Variants in LRRC40 observed in about 807,000 individuals in gnomAD.
LRRC40 encodes leucine rich repeat containing 40.
Under a neutral mutation model 72.8 loss-of-function variants are expected in LRRC40, and 76 were observed. That is an observed-to-expected ratio of 1.04 (90% CI 0.87 to 1.26). LRRC40 has a LOEUF of 1.26. Among genes scored for constraint, LRRC40 ranks in the 50% most tolerant of loss-of-function variants. LRRC40 has a pLI of 0.00. For synonymous variants in LRRC40, 243 were observed against 254.2 expected, an observed-to-expected ratio of 0.96 and a Z score of 0.42; for missense variants, 684 against 698.9, an observed-to-expected ratio of 0.98 and a Z score of 0.24.
chr1:70,169,573 A>T (rs912919159), intron 9 of LRRC40, among the ~76,000 whole-genome samples: 2 of 152,202 alleles, frequency 1.3e-5, no homozygotes, highest in African/African-American at 4.8e-5. Flanking sequence ...AAAAAAAGAG[A>T]GAAGACTCAC....
chr1:70,194,178 G>A (rs1668560023), intron 1 of LRRC40, among the ~76,000 whole-genome samples: 1 of 152,004 alleles, frequency 6.6e-6, no homozygotes, highest in African/African-American at 2.4e-5. Flanking sequence ...CAGACACTAT[G>A]ATCATCTATG....
At chr1:70,186,557 TGTAACC>T (rs1225996868) in intron 3 of LRRC40, among the ~76,000 whole-genome samples, 17 of 152,240 alleles carry the variant, frequency 1.1e-4, no homozygotes, top group African/African-American at 3.9e-4. Context: ...TACATAGATC[TGTAACC>T]GTATCTATTT....
chr1:70,201,699 G>A (rs1247276441), intron 1 of LRRC40, among the ~76,000 whole-genome samples: 2 of 152,124 alleles, frequency 1.3e-5, no homozygotes, highest in Non-Finnish European at 2.9e-5. Context: ...CAGGCCGGGC[G>A]TGGGGGCTCA....
Position 70,184,801 on chromosome 1 carries a change from G to T in LRRC40, c.521C>A (p.Ser174Tyr). ...TCISEGFEQL[S>Y]NLEDLDLSNN... The stretch of plus-strand genomic sequence containing the variant: ...AGAACTTACTAAATCTTCTAAATTG[G>T]AAAGTTGTTCAAATCCCTCTGATAT... Residue 174 changes from serine to tyrosine, a missense_variant, in exon 4 of 15, where the codon TCC becomes TAC. Transcript: ENST00000370952. The T allele has an allele frequency of 6.2e-7, 1 of 1,603,560 alleles. No homozygotes were observed. Among genetic ancestry groups the T allele is most frequent in the South Asian group, 1.1e-5 (1 of 88,294 alleles).
At chr1:70,148,137 CA>C (rs35638808) in intron 14 of LRRC40, 37,973 of 94,304 alleles carry the variant, frequency 0.4, 4,361 homozygotes, top group South Asian at 0.5. Context: ...CAATCAATTT[CA>C]AAAAAAAAAA....
chr1:70,152,597 CA>C, intron 11 of LRRC40, 54 bp from the exon 12 acceptor site: 1 of 899,788 alleles, frequency 1.1e-6, no homozygotes, highest in Non-Finnish European at 1.9e-6. Flanking sequence ...GCCAGAACTT[CA>C]AAACTGTAAG....
At chr1:70,188,278 C>CT (rs1192828488) in intron 2 of LRRC40, among the ~76,000 whole-genome samples, 1 of 152,110 alleles carries the variant, frequency 6.6e-6, no homozygotes, top group Non-Finnish European at 1.5e-5. Flanking sequence ...AAATATACTC[C>CT]TTGTGCTTCA....
chr1:70,174,884 T>G (rs1668070179), intron 7 of LRRC40, among the ~76,000 whole-genome samples: 1 of 152,180 alleles, frequency 6.6e-6, no homozygotes, highest in African/African-American at 2.4e-5. Context: ...CCAAAAATCA[T>G]CAAGTTGTAT....
In LRRC40 at chr1:70,175,989, A is replaced by G. The variant is rs770074378; in HGVS notation, c.805-7T>C. Reference sequence around the variant, plus strand: ...TTTCACCTACGTGCAATTCCTACAAAATCAAAGATGAGTTATGTGTATCTC... The same window carrying G: ...TTTCACCTACGTGCAATTCCTACAAGATCAAAGATGAGTTATGTGTATCTC... On this transcript the variant is annotated splice_region_variant and splice_polypyrimidine_tract_variant and intron_variant, in intron 6 of 14. Coordinates refer to ENST00000370952, the MANE Select transcript of LRRC40 (RefSeq NM_017768.5). 3 of 1,535,570 alleles carry G rather than the reference A, an allele frequency of 2.0e-6. No individual in the cohort carries two copies. Among genetic ancestry groups the G allele is most frequent in the Non-Finnish European group, 1.7e-6 (2 of 1,145,636 alleles).
chr1:70,199,404 A>G (rs1668688076), intron 1 of LRRC40, among the ~76,000 whole-genome samples: 1 of 152,156 alleles, frequency 6.6e-6, no homozygotes, highest in Admixed American at 6.5e-5. Flanking sequence ...TCAAAAAAGA[A>G]CTAGAGCCTA....
Position 70,205,520 on chromosome 1 carries a change from T to A in LRRC40, c.21A>T (p.Ile7=). Residue 7 remains isoleucine, a synonymous_variant, in exon 1 of 15, where the codon ATA becomes ATT. Coordinates refer to ENST00000370952, the MANE Select transcript of LRRC40 (RefSeq NM_017768.5). MSRLKR[I]AGQDLRAGFK... ...AACCAGCGCGGAGATCCTGCCCCGCTATCCGCTTCAGGCGCGACATGTTCA... is the reference window on the plus strand; with the variant it reads ...AACCAGCGCGGAGATCCTGCCCCGCAATCCGCTTCAGGCGCGACATGTTCA... The A allele has an allele frequency of 6.3e-7, 1 of 1,598,568 alleles. No homozygotes were observed. Among genetic ancestry groups the A allele is most frequent in the South Asian group, 1.1e-5 (1 of 89,934 alleles).
At chr1:70,153,099 A>C (rs1667546430) in intron 11 of LRRC40, among the ~76,000 whole-genome samples, 1 of 152,156 alleles carries the variant, frequency 6.6e-6, no homozygotes, top group Admixed American at 6.6e-5. Context: ...GGTGGCTCAC[A>C]CCTATAATCT....
At position 70,159,443 on chromosome 1, in the gene LRRC40, CA is replaced by C; in HGVS notation, c.1112-6del. On this transcript the variant is annotated splice_region_variant and splice_polypyrimidine_tract_variant and intron_variant, in intron 9 of 14. Transcript: ENST00000370952. ...CACTTTGGCTAGGTCCATCATCTGG[CA>C]AAAGAAAACTTATATGAAGCCAATA... 1 of 1,398,054 alleles carries C rather than the reference CA, an allele frequency of 7.2e-7. No homozygotes were observed. The highest frequency in any genetic ancestry group is 1.0e-6 in the Non-Finnish European group (1 of 996,554). The allele number at this position is 1,398,054 out of a possible 1,614,324, so 86.6% of individuals were successfully genotyped here.
chr1:70,188,208 T>C lies in LRRC40; in HGVS notation c.334-870A>G, dbSNP rs114520080. Among the ~76,000 whole-genome samples the C allele has an allele frequency of 8.6e-3, 1,314 of 152,180 alleles. 22 individuals carry two copies. Among genetic ancestry groups the C allele is most frequent in the African/African-American group, 0.03 (1,232 of 41,536 alleles). ...TAGATTCTACTTTTCAACACATGAA[T>C]TGGAGGACTTTTTATGTTGATAAGT... On this transcript the variant is annotated intron_variant, in intron 2 of 14. Transcript: ENST00000370952.
At chr1:70,189,971 C>T (rs751552423) in intron 1 of LRRC40, among the ~76,000 whole-genome samples, 3 of 152,174 alleles carry the variant, frequency 2.0e-5, no homozygotes, top group Admixed American at 6.6e-5. Flanking sequence ...ATCTGACATA[C>T]AATTTTATTT....
Position 70,158,961 on chromosome 1 carries a change from G to A in LRRC40, c.1220+369C>T, listed in dbSNP as rs548764121. ...TCTCAAGCATAGTAAAACACAAACT[G>A]CAGAAGGAATGGACACTGAAGGTCA... On this transcript the variant is annotated intron_variant, in intron 10 of 14. Coordinates refer to ENST00000370952, the MANE Select transcript of LRRC40 (RefSeq NM_017768.5). Among the ~76,000 whole-genome samples, 18 of 152,064 alleles carry A rather than the reference G, an allele frequency of 1.2e-4. No individual in the cohort carries two copies. In the South Asian group the frequency reaches 3.5e-3, roughly 30 times the overall value.
intron 11 of LRRC40, among the ~76,000 whole-genome samples, chr1:70,155,414 GTTT>G (rs918399963): frequency 3.3e-5 from 5 of 151,942 alleles, no homozygotes; most frequent in Non-Finnish European, 7.4e-5. Flanking sequence ...GAAAAATAAT[GTTT>G]TTAATAATTC....
chr1:70,162,044 A>T (rs942518108), intron 9 of LRRC40, among the ~76,000 whole-genome samples: 2 of 152,180 alleles, frequency 1.3e-5, no homozygotes, highest in Non-Finnish European at 2.9e-5. Flanking sequence ...AGTTCTTTTC[A>T]ATAGTAGAAG....
At chr1:70,177,184 G>A (rs908537316) in intron 6 of LRRC40, among the ~76,000 whole-genome samples, 4 of 152,116 alleles carry the variant, frequency 2.6e-5, no homozygotes, top group Non-Finnish European at 5.9e-5. Context: ...GCTGAGGCAG[G>A]AGAATCACTT....
Sources: allele counts gnomAD v4.1 joint callset (sites outside exome capture counted in the v4.1 genomes callset), GRCh38; gene constraint gnomAD v4.1.1; transcripts MANE v1.5; gene names NCBI Gene and HGNC (gene_info 2026-07-23, HGNC 2026-07-21).